Variants in CORO1C observed in about 807,000 individuals in gnomAD.
The protein encoded by CORO1C is coronin-1C.
Under a neutral mutation model 51.2 loss-of-function variants are expected in CORO1C, and 14 were observed. The observed-to-expected ratio is 0.27, with a 90% CI of 0.18 to 0.43. CORO1C has a LOEUF of 0.43. CORO1C is among the 20% of genes least tolerant of loss of function. The pLI is 1.00. For missense variants in CORO1C, 417 were observed against 607.8 expected, an observed-to-expected ratio of 0.69 and a Z score of 3.30; for synonymous variants, 181 against 210.5, an observed-to-expected ratio of 0.86 and a Z score of 1.21.
At position 108,657,350 on chromosome 12, in the gene CORO1C, G is replaced by A; in HGVS notation, c.704C>T (p.Thr235Ile). 6.2e-7 allele frequency: 1 copy of A among 1,614,170 alleles called. No individual in the cohort carries two copies. Among genetic ancestry groups the A allele is most frequent in the Non-Finnish European group, 8.5e-7 (1 of 1,180,014 alleles). ...IFLADGNVFT[T>I]GFSRMSERQL... ...CCGCTCGCTCATGCGGCTGAACCCA[G>A]TGGTGAAGACATTGCCATCGGCCAG... Residue 235 changes from threonine (T) to isoleucine (I), a missense_variant, in exon 6 of 11, where the codon ACT becomes ATT. Coordinates refer to ENST00000261401, the MANE Select transcript of CORO1C (RefSeq NM_014325.4).
chr12:108,713,887 T>C (rs1565936813), intron 1 of CORO1C, among the ~76,000 whole-genome samples: 2 of 152,112 alleles, frequency 1.3e-5, no homozygotes, highest in South Asian at 4.1e-4. Flanking sequence ...TTGGCCAGTT[T>C]GTGTAACACT....
intron 2 of CORO1C, among the ~76,000 whole-genome samples, chr12:108,694,034 C>T (rs1164662140): frequency 6.6e-6 from 1 of 152,122 alleles, no homozygotes; most frequent in Admixed American, 6.5e-5. Context: ...GTGGCTCACG[C>T]CTGTAATCCC....
intron 2 of CORO1C, among the ~76,000 whole-genome samples, chr12:108,683,138 T>C (rs2034180465): frequency 6.6e-6 from 1 of 152,172 alleles, no homozygotes; most frequent in Non-Finnish European, 1.5e-5. Context: ...TTAGAAAAGA[T>C]GCCAGGTACA....
intron 6 of CORO1C, among the ~76,000 whole-genome samples, chr12:108,655,430 T>C (rs2136801711): frequency 6.9e-6 from 1 of 144,408 alleles, no homozygotes; most frequent in East Asian, 2.3e-4. Flanking sequence ...CTCCCTCTGA[T>C]GCCGAGCCGA....
intron 1 of CORO1C, among the ~76,000 whole-genome samples, chr12:108,715,417 T>A (rs565289400): frequency 6.6e-6 from 1 of 152,118 alleles, no homozygotes; most frequent in South Asian, 2.1e-4. Context: ...TTCGAAATCA[T>A]CTCTAGCTCT....
At chr12:108,705,843 C>CATT (rs2035013376) in intron 1 of CORO1C, among the ~76,000 whole-genome samples, 1 of 152,084 alleles carries the variant, frequency 6.6e-6, no homozygotes, top group South Asian at 2.1e-4. Context: ...TAACGTAACA[C>CATT]ATTATATCAA....
At chr12:108,724,466 C>A (rs2035541699) in intron 1 of CORO1C, among the ~76,000 whole-genome samples, 1 of 152,206 alleles carries the variant, frequency 6.6e-6, no homozygotes, top group South Asian at 2.1e-4. Flanking sequence ...GTCTCCTCAT[C>A]TGTAAAATGA....
intron 2 of CORO1C, among the ~76,000 whole-genome samples, chr12:108,700,154 G>A (rs1011363022): frequency 2.6e-5 from 4 of 152,166 alleles, no homozygotes; most frequent in East Asian, 1.9e-4. Flanking sequence ...CAGAAACAGC[G>A]GGGATCCACT....
rs146468367 is a variant in CORO1C at position 108,660,180 on chromosome 12, G to A, written c.449-1261C>T. ...TAGAAGTAGGAAACTGGCCGGGCAC[G>A]GTGGCTCACGCCTGTAATCCCAGCA... On this transcript the variant is annotated intron_variant, in intron 4 of 10. Coordinates refer to ENST00000261401, the MANE Select transcript of CORO1C (RefSeq NM_014325.4). 5.3e-5 allele frequency among the ~76,000 whole-genome samples: 8 copies of A among 152,300 alleles called. No individual in the cohort carries two copies. In the East Asian group the frequency reaches 1.4e-3, roughly 26 times the overall value.
At chr12:108,726,221 T>A (rs2035586527) in intron 1 of CORO1C, among the ~76,000 whole-genome samples, 1 of 152,040 alleles carries the variant, frequency 6.6e-6, no homozygotes, top group African/African-American at 2.4e-5. Flanking sequence ...ATCGAGATCA[T>A]CCTGGCTAAC....
intron 1 of CORO1C, among the ~76,000 whole-genome samples, chr12:108,709,897 T>G (rs4964273): frequency 0.55 from 82,913 of 152,020 alleles, 23,564 homozygotes; most frequent in East Asian, 0.99. Flanking sequence ...GGCTTTCCCT[T>G]GCTTGCAACA....
At chr12:108,677,608 T>C (rs1197456801) in intron 3 of CORO1C, among the ~76,000 whole-genome samples, 1 of 152,182 alleles carries the variant, frequency 6.6e-6, no homozygotes, top group Non-Finnish European at 1.5e-5. Flanking sequence ...GCAGTTTCAG[T>C]TTTTTCTCTC....
intron 1 of CORO1C, among the ~76,000 whole-genome samples, chr12:108,718,143 G>C (rs2035384812): frequency 6.6e-6 from 1 of 152,182 alleles, no homozygotes; most frequent in Admixed American, 6.5e-5. Flanking sequence ...CACAAGGTCA[G>C]GAGATTGAGA....
intron 8 of CORO1C, 92 bp from the exon 9 acceptor site, chr12:108,649,112 A>G: frequency 6.9e-7 from 1 of 1,447,716 alleles, no homozygotes. Context: ...TGCTGTCTGA[A>G]ATGTCAAGTG....
chr12:108,728,492 G>T (rs142938342), intron 1 of CORO1C, among the ~76,000 whole-genome samples: 15 of 152,058 alleles, frequency 9.9e-5, no homozygotes, highest in African/African-American at 1.4e-4. Flanking sequence ...TTTCTTTTTG[G>T]GGGGGATGAA....
intron 3 of CORO1C, among the ~76,000 whole-genome samples, chr12:108,673,291 T>C (rs1301228109): frequency 6.6e-6 from 1 of 152,176 alleles, no homozygotes; most frequent in Non-Finnish European, 1.5e-5. Context: ...AGCCACAAGA[T>C]TCCCTTAAGC....
chr12:108,698,493 G>A (rs930417503), intron 2 of CORO1C, among the ~76,000 whole-genome samples: 3 of 152,162 alleles, frequency 2.0e-5, no homozygotes, highest in Admixed American at 6.5e-5. Flanking sequence ...CTGCAACTCC[G>A]CCTCCCGGGT....
At position 108,657,370 on chromosome 12, in the gene CORO1C, G is replaced by A. The variant is rs192795242; in HGVS notation, c.684C>T (p.Ala228=). The change falls in exon 6 of 11, where the codon GCC becomes GCT. Residue 228 remains alanine, a synonymous_variant. Coordinates refer to ENST00000261401, the MANE Select transcript of CORO1C (RefSeq NM_014325.4). ...ACCCAGTGGTGAAGACATTGCCATC[G>A]GCCAGGAAGATGGCTCTCATGGGTC... ...GARPMRAIFL[A]DGNVFTTGFS... 2.2e-5 allele frequency: 36 copies of A among 1,614,072 alleles called. No homozygotes were observed. Among genetic ancestry groups the A allele is most frequent in the Admixed American group, 1.8e-4 (11 of 60,024 alleles).
intron 4 of CORO1C, among the ~76,000 whole-genome samples, chr12:108,660,514 A>C (rs1036940947): frequency 6.6e-6 from 1 of 152,094 alleles, no homozygotes; most frequent in Non-Finnish European, 1.5e-5. Context: ...AACAGTAACA[A>C]AAGTTGAAGC....
Sources: gnomAD v4.1 joint callset for allele counts (sites outside exome capture counted in the v4.1 genomes callset) on GRCh38, gnomAD v4.1.1 for gene constraint, MANE v1.5 for transcripts, NCBI Gene and HGNC (gene_info 2026-07-23, HGNC 2026-07-21) for gene names.